P2RY2: variants seen among roughly 807,000 people sequenced by gnomAD.
P2RY2 encodes the protein purinergic receptor P2Y2.
For synonymous variants in P2RY2, 241 were observed against 231.9 expected (o/e 1.04, Z -0.35); for missense variants, 567 against 515.7 (o/e 1.10, Z -0.96).
intron 1 of P2RY2, among the ~76,000 whole-genome samples, chr11:73,227,377 C>T (rs1009370006): frequency 9.9e-5 from 15 of 151,804 alleles, no homozygotes; most frequent in Admixed American, 2.6e-4. Context: ...CATCCGTTTG[C>T]GTCCACTGCA....
rs1011933038 is a variant in P2RY2 at position 73,235,702 on chromosome 11, G to A, written c.*409G>A. 2.1e-5 allele frequency: 21 copies of A among 1,009,082 alleles called. No homozygotes were observed. The Admixed American group carries it at 2.4e-4, about 12-fold the overall frequency. The allele number at this position is 1,009,082 out of a possible 1,614,324, so 62.5% of individuals were successfully genotyped here. ...ACCAGAGTCTGGAGCTGAGCTACCT[G>A]GGGTGGGGGCCAAGTCACAGGTTGG... is the stretch of plus-strand genomic sequence containing the variant. On this transcript the variant is annotated 3_prime_UTR_variant, in exon 3 of 3. Coordinates refer to ENST00000393597, the MANE Select transcript of P2RY2 (RefSeq NM_002564.4).
In P2RY2 at chr11:73,230,050, C is replaced by CTGA. The variant is rs1301028480; in HGVS notation, c.-5+1877_-5+1879dup. 2.0e-5 allele frequency among the ~76,000 whole-genome samples: 3 copies of CTGA among 152,212 alleles called. No individual in the cohort carries two copies. In the East Asian group the frequency reaches 5.8e-4, roughly 29 times the overall value. On this transcript the variant is annotated intron_variant, in intron 2 of 2. Transcript: ENST00000393597. ...AGAGCTAGACTCGAACCTCGGCTTA[C>CTGA]TGATACCCAGGGGAGGCTCTGTCCT...
chr11:73,235,626 G>C lies in P2RY2; in HGVS notation c.*333G>C. The C allele has an allele frequency of 9.5e-7, 1 of 1,058,078 alleles. No homozygotes were observed. The allele number at this position is 1,058,078 out of a possible 1,614,324, so 65.5% of individuals were successfully genotyped here. ...CTAGGTTGGAGTCCAGCCTAATCAA[G>C]TCAAATGGAGAAACAGGCCCAGAGA... On this transcript the variant is annotated 3_prime_UTR_variant, in exon 3 of 3. Coordinates refer to ENST00000393597, the MANE Select transcript of P2RY2 (RefSeq NM_002564.4).
In P2RY2 at chr11:73,236,953, G is replaced by A. The variant is rs1194957240; in HGVS notation, c.*1660G>A. The stretch of plus-strand genomic sequence containing the variant: ...CCTCACTCTTGATCTCAAGGACAGG[G>A]ACTCCCTCCTCTCCCTCTGGGAGAG... On this transcript the variant is annotated 3_prime_UTR_variant, in exon 3 of 3. Coordinates refer to ENST00000393597, the MANE Select transcript of P2RY2 (RefSeq NM_002564.4). The A allele has an allele frequency of 8.1e-6, 8 of 985,136 alleles. No homozygotes were observed. In the Admixed American group the frequency reaches 2.5e-4, roughly 30 times the overall value. The allele number at this position is 985,136 out of a possible 1,614,324, so 61.0% of individuals were successfully genotyped here. A position where few individuals can be genotyped will look rare whatever the true frequency, so the allele number is the denominator to read the frequency against.
In P2RY2 at chr11:73,228,189, G is replaced by GC. The variant is rs1397459226; in HGVS notation, c.-5+14_-5+15insC. 7.6e-6 allele frequency: 1 copy of GC among 130,770 alleles called. No homozygotes were observed. Among genetic ancestry groups the GC allele is most frequent in the Admixed American group, 7.6e-5 (1 of 13,226 alleles). 8.1% of individuals were successfully genotyped at this position (130,770 alleles called of 1,614,324 possible). The stretch of plus-strand genomic sequence containing the variant: ...GGGGCTGGTCAGGTACGTGGGGTGG[G>GC]GGTGGGGGGGAGCGGGTACGCTGGC... On this transcript the variant is annotated intron_variant, in intron 2 of 2. Coordinates refer to ENST00000393597, the MANE Select transcript of P2RY2 (RefSeq NM_002564.4).
chr11:73,232,493 C>T (rs1229678076), intron 2 of P2RY2, among the ~76,000 whole-genome samples: 1 of 152,196 alleles, frequency 6.6e-6, no homozygotes, highest in African/African-American at 2.4e-5. Flanking sequence ...CTCACTGCAA[C>T]CTCCACCTCC....
chr11:73,229,489 T>TGGCTGTCCCTCTAAGGCAGG (rs1332461152), intron 2 of P2RY2, among the ~76,000 whole-genome samples: 1 of 151,880 alleles, frequency 6.6e-6, no homozygotes, highest in African/African-American at 2.4e-5. Context: ...GCTGGGGACT[T>TGGCTGTCCCTCTAAGGCAGG]GGCTGTCCCT....
At chr11:73,227,203 T>C (rs1671539938) in intron 1 of P2RY2, among the ~76,000 whole-genome samples, 1 of 152,220 alleles carries the variant, frequency 6.6e-6, no homozygotes, top group Admixed American at 6.5e-5. Flanking sequence ...CTTGTGATAG[T>C]TTGCTGAGAA....
At chr11:73,232,205 A>G (rs1862480256) in intron 2 of P2RY2, among the ~76,000 whole-genome samples, 1 of 152,162 alleles carries the variant, frequency 6.6e-6, no homozygotes. Flanking sequence ...CCTCTGCTAG[A>G]GAGCCACTTG....
In P2RY2 at chr11:73,236,578, T is replaced by C. The variant is rs1405554586; in HGVS notation, c.*1285T>C. 3.0e-6 allele frequency: 3 copies of C among 985,246 alleles called. No homozygotes were observed. Among genetic ancestry groups the C allele is most frequent in the Non-Finnish European group, 3.6e-6 (3 of 829,920 alleles). The allele number at this position is 985,246 out of a possible 1,614,324, so 61.0% of individuals were successfully genotyped here. ...ATGGGGCAAGAGGGCAGGGTGTGCA[T>C]GAGCCATAAGCAGGCTGGACAGCTG... is the stretch of plus-strand genomic sequence containing the variant. On this transcript the variant is annotated 3_prime_UTR_variant, in exon 3 of 3. Coordinates refer to ENST00000393597, the MANE Select transcript of P2RY2 (RefSeq NM_002564.4).
chr11:73,227,596 G>A (rs1195900617), intron 1 of P2RY2, among the ~76,000 whole-genome samples: 1 of 152,188 alleles, frequency 6.6e-6, no homozygotes, highest in Non-Finnish European at 1.5e-5. Flanking sequence ...GTTGGCAGAA[G>A]GACAATAGAA....
Position 73,235,207 on chromosome 11 carries a change from G to C in P2RY2, c.1048G>C (p.Glu350Gln). 6.2e-7 allele frequency: 1 copy of C among 1,611,810 alleles called. No homozygotes were observed. The change falls in exon 3 of 3, where the codon GAA becomes CAA. Residue 350 changes from glutamate to glutamine, a missense_variant. Physicochemically the swap from Glu to Gln is conservative, Grantham distance 29 (BLOSUM62 2). Transcript: ENST00000393597. Reference sequence around the variant, plus strand: ...CGACAGAACTGACATGCAGAGGATAGAAGATGTGTTGGGCAGCAGTGAGGA... The same window carrying C: ...CGACAGAACTGACATGCAGAGGATACAAGATGTGTTGGGCAGCAGTGAGGA... ...RSDRTDMQRI[E>Q]DVLGSSEDSR...
Position 73,235,820 on chromosome 11 carries a change from C to T in P2RY2, c.*527C>T. 4 of 1,000,824 alleles carry T rather than the reference C, an allele frequency of 4.0e-6. No homozygotes were observed. The highest frequency in any genetic ancestry group is 4.8e-6 in the Non-Finnish European group (4 of 830,502). The allele number at this position is 1,000,824 out of a possible 1,614,324, so 62.0% of individuals were successfully genotyped here. A position where few individuals can be genotyped will look rare whatever the true frequency, so the allele number is the denominator to read the frequency against. On this transcript the variant is annotated 3_prime_UTR_variant, in exon 3 of 3. Coordinates refer to ENST00000393597, the MANE Select transcript of P2RY2 (RefSeq NM_002564.4). ...GTGGACTTAGCTCTGAGGAGTACCCCCAGCCCAAGAGATGAACATCTGGGG... is the reference window on the plus strand; with the variant it reads ...GTGGACTTAGCTCTGAGGAGTACCCTCAGCCCAAGAGATGAACATCTGGGG...
Position 73,234,883 on chromosome 11 carries a change from A to C in P2RY2, c.724A>C (p.Lys242Gln), listed in dbSNP as rs1862586745. Residue 242 changes from lysine to glutamine, a missense_variant, in exon 3 of 3, where the codon AAG (lysine) becomes CAG (glutamine). Transcript: ENST00000393597. The stretch of plus-strand genomic sequence containing the variant: ...GGGCGGCCTGCCTAGGGCCAAGCGC[A>C]AGTCCGTGCGCACCATCGCCGTGGT... ...TSGGLPRAKR[K>Q]SVRTIAVVLA... 6.2e-7 allele frequency: 1 copy of C among 1,610,746 alleles called. No individual in the cohort carries two copies. Among genetic ancestry groups the C allele is most frequent in the Non-Finnish European group, 8.5e-7 (1 of 1,179,964 alleles).
At chr11:73,233,053 TG>T (rs1210769780) in intron 2 of P2RY2, among the ~76,000 whole-genome samples, 1 of 151,962 alleles carries the variant, frequency 6.6e-6, no homozygotes, top group Non-Finnish European at 1.5e-5. Context: ...GGGACAAGGT[TG>T]GGGGGGACAC....
chr11:73,228,761 C>T (rs1265007321), intron 2 of P2RY2, among the ~76,000 whole-genome samples: 1 of 152,202 alleles, frequency 6.6e-6, no homozygotes, highest in African/African-American at 2.4e-5. Context: ...GCTAAGAAAC[C>T]TTTAAGCATT....
rs1377666447 is a variant in P2RY2, at chr11:73,234,982, G to C, written c.823G>C (p.Asp275His). The C allele has an allele frequency of 6.2e-7, 1 of 1,609,534 alleles. No individual in the cohort carries two copies. The highest frequency in any genetic ancestry group is 1.7e-5 in the Admixed American group (1 of 60,026). ...CCTCTACTACTCCTTCCGCTCGCTG[G>C]ACCTCAGCTGCCACACCCTCAACGC... ...RTLYYSFRSL[D>H]LSCHTLNAIN... Residue 275 changes from aspartate to histidine, a missense_variant, in exon 3 of 3, where the codon GAC becomes CAC. Asp to His is a moderately conservative substitution (Grantham distance 81). Coordinates refer to ENST00000393597, the MANE Select transcript of P2RY2 (RefSeq NM_002564.4).
rs1270258257 is a variant in P2RY2, at chr11:73,237,789, T to C, written c.*2496T>C. On this transcript the variant is annotated 3_prime_UTR_variant, in exon 3 of 3. Coordinates refer to ENST00000393597, the MANE Select transcript of P2RY2 (RefSeq NM_002564.4). ...CTGCTCAGTGCCCAGGCCACTTGCC[T>C]TGTGGGTGAAGTTCCTGCCCTGATG... Among the ~76,000 whole-genome samples, 1 of 152,184 alleles carries C rather than the reference T, an allele frequency of 6.6e-6. No individual in the cohort carries two copies. Among genetic ancestry groups the C allele is most frequent in the East Asian group, 1.9e-4 (1 of 5,194 alleles).
chr11:73,229,924 G>A (rs970832453), intron 2 of P2RY2, among the ~76,000 whole-genome samples: 9 of 152,032 alleles, frequency 5.9e-5, no homozygotes, highest in East Asian at 3.9e-4. Flanking sequence ...AGGACCTCCC[G>A]GGGATATTTT....
Sources: allele counts gnomAD v4.1 joint callset (sites outside exome capture counted in the v4.1 genomes callset), GRCh38; gene constraint gnomAD v4.1.1; transcripts MANE v1.5; gene names NCBI Gene and HGNC (gene_info 2026-07-23, HGNC 2026-07-21).